The following RGS9 variants were observed in gnomAD, a reference collection of about 807,000 sequenced individuals.
RGS9 encodes regulator of G-protein signalling 9.
RGS9 carries 78 observed loss-of-function variants against 102.0 expected under a neutral mutation model. The observed-to-expected ratio is 0.76, with a 90% CI of 0.64 to 0.92. RGS9 has a LOEUF of 0.92. RGS9 is among the 40% of genes least tolerant of loss of function. The pLI is 0.00. For missense variants in RGS9, 833 were observed against 866.1 expected, an observed-to-expected ratio of 0.96 and a Z score of 0.48; for synonymous variants, 353 against 318.6, an observed-to-expected ratio of 1.11 and a Z score of -1.15.
intron 14 of RGS9, among the ~76,000 whole-genome samples, chr17:65,203,030 G>C (rs1315545727): frequency 6.6e-6 from 1 of 152,230 alleles, no homozygotes; most frequent in Non-Finnish European, 1.5e-5. Flanking sequence ...ACCAGACTGT[G>C]GTGCTGAACT....
intron 6 of RGS9, among the ~76,000 whole-genome samples, chr17:65,162,185 A>G (rs1209389806): frequency 6.6e-6 from 1 of 151,994 alleles, no homozygotes; most frequent in Non-Finnish European, 1.5e-5. Context: ...CGAGGCCAGG[A>G]GTTCAAGACC....
At position 65,201,972 on chromosome 17, in the gene RGS9, C is replaced by T. The variant is rs201444790; in HGVS notation, c.977-21C>T. On this transcript the variant is annotated intron_variant, in intron 13 of 18. Coordinates refer to ENST00000262406, the MANE Select transcript of RGS9 (RefSeq NM_003835.4). The stretch of plus-strand genomic sequence containing the variant: ...TTATTTCCTGCCCGGCCCTCATCCA[C>T]GTGGACTTCTCACCATGCAGGAGAG... 1.2e-4 allele frequency: 182 copies of T among 1,559,910 alleles called. 2 individuals carry two copies. The highest frequency in any genetic ancestry group is 8.0e-4 in the Admixed American group (48 of 59,918).
intron 8 of RGS9, 25 bp from the exon 9 acceptor site, chr17:65,177,707 C>A (rs765035776): frequency 1.2e-6 from 2 of 1,608,922 alleles, no homozygotes; most frequent in Non-Finnish European, 1.7e-6. Context: ...CTGTAATGAC[C>A]TTATGTTGTT....
At chr17:65,208,953 T>TA (rs1913179562) in intron 16 of RGS9, among the ~76,000 whole-genome samples, 1 of 152,226 alleles carries the variant, frequency 6.6e-6, no homozygotes, top group African/African-American at 2.4e-5. Context: ...CTTCTGGGTT[T>TA]ACCAAGTAAG....
chr17:65,181,864 A>G (rs1911897308), intron 9 of RGS9, among the ~76,000 whole-genome samples: 1 of 152,202 alleles, frequency 6.6e-6, no homozygotes, highest in South Asian at 2.1e-4. Flanking sequence ...AGTGTCTAGA[A>G]TGCTAATCAA....
intron 17 of RGS9, among the ~76,000 whole-genome samples, chr17:65,220,072 C>A (rs1165631567): frequency 1.3e-5 from 2 of 152,034 alleles, no homozygotes; most frequent in East Asian, 3.8e-4. Flanking sequence ...ATCATCACCA[C>A]CATCCTCACC....
intron 17 of RGS9, among the ~76,000 whole-genome samples, chr17:65,211,558 T>C (rs1457083159): frequency 6.6e-6 from 1 of 152,130 alleles, no homozygotes; most frequent in East Asian, 1.9e-4. Context: ...CTTCTGTAGG[T>C]GTAGACGAGG....
At chr17:65,167,442 T>A (rs377061674) in intron 7 of RGS9, among the ~76,000 whole-genome samples, 2 of 152,258 alleles carry the variant, frequency 1.3e-5, no homozygotes, top group East Asian at 1.9e-4. Flanking sequence ...CCTCAAGTGA[T>A]CTGCCCACCT....
chr17:65,144,569 C>T (rs299824), intron 1 of RGS9, among the ~76,000 whole-genome samples: 22,199 of 152,188 alleles, frequency 0.15, 1,918 homozygotes, highest in Middle Eastern at 0.31. Flanking sequence ...GGGAACGAAG[C>T]GGGGCTGATG....
intron 8 of RGS9, among the ~76,000 whole-genome samples, chr17:65,174,874 G>A (rs1341432757): frequency 2.0e-5 from 3 of 152,228 alleles, no homozygotes; most frequent in South Asian, 2.1e-4. Context: ...GGTGGCAGGC[G>A]AGAGAGAGCG....
At chr17:65,142,972 G>A (rs946523647) in intron 1 of RGS9, among the ~76,000 whole-genome samples, 2 of 151,794 alleles carry the variant, frequency 1.3e-5, no homozygotes, top group African/African-American at 4.8e-5. Flanking sequence ...GCCCAGGCTG[G>A]ACTCAAGCTC....
intron 17 of RGS9, among the ~76,000 whole-genome samples, chr17:65,217,975 G>T (rs564768499): frequency 6.6e-6 from 1 of 152,308 alleles, no homozygotes; most frequent in African/African-American, 2.4e-5. Context: ...ACAGAAGCAA[G>T]GCCATGTGAC....
At chr17:65,188,401 G>C (rs1050910931) in intron 9 of RGS9, among the ~76,000 whole-genome samples, 3 of 152,182 alleles carry the variant, frequency 2.0e-5, no homozygotes, top group Non-Finnish European at 4.4e-5. Flanking sequence ...TCAACTCGGG[G>C]ACTCAGCTTG....
intron 3 of RGS9, among the ~76,000 whole-genome samples, chr17:65,158,992 G>T (rs1024968915): frequency 1.3e-5 from 2 of 152,172 alleles, no homozygotes; most frequent in Non-Finnish European, 2.9e-5. Flanking sequence ...AATCACAAAA[G>T]AAGTGATATT....
chr17:65,223,752 C>CTTTTTTTTTTTT (rs528795738), intron 17 of RGS9, among the ~76,000 whole-genome samples: 4 of 137,592 alleles, frequency 2.9e-5, no homozygotes, highest in African/African-American at 5.4e-5. Context: ...TCATGCCAGG[C>CTTTTTTTTTTTT]TTTTTTTTTT....
At chr17:65,191,794 G>A (rs1912378566) in intron 11 of RGS9, among the ~76,000 whole-genome samples, 3 of 152,098 alleles carry the variant, frequency 2.0e-5, no homozygotes, top group African/African-American at 4.8e-5. Context: ...AGAGAGTCTC[G>A]GGAGAGAATA....
rs1911496446 is a variant in RGS9, at chr17:65,173,440, C to T, written c.583-4292C>T. Among the ~76,000 whole-genome samples, 1 of 151,928 alleles carries T rather than the reference C, an allele frequency of 6.6e-6. No homozygotes were observed. The highest frequency in any genetic ancestry group is 6.6e-5 in the Admixed American group (1 of 15,258). ...TCTGTATGTGGGTTCCTGGGAACAT[C>T]GCCTCCTCACGAGCAGTTGTCACGA... On this transcript the variant is annotated intron_variant, in intron 8 of 18. Coordinates refer to ENST00000262406, the MANE Select transcript of RGS9 (RefSeq NM_003835.4). The surrounding 1 kb of genome is among the most constrained non-coding windows in gnomAD (Gnocchi z 4.8).
chr17:65,210,533 C>T lies in RGS9; in HGVS notation c.1335C>T (p.Ser445=). ...FMRRHLRSSP[S]PVILRQLEEE... is the part of the protein sequence containing the mutation. ...GGCGTCACCTGCGCTCCAGCCCAAG[C>T]CCTGTCATCCTGAGACAGCTGGAAG... Residue 445 remains serine, a synonymous_variant, in exon 17 of 19, where the codon AGC becomes AGT. Coordinates refer to ENST00000262406, the MANE Select transcript of RGS9 (RefSeq NM_003835.4). 1 of 1,614,030 alleles carries T rather than the reference C, an allele frequency of 6.2e-7. No homozygotes were observed. The highest frequency in any genetic ancestry group is 8.5e-7 in the Non-Finnish European group (1 of 1,180,032).
At chr17:65,204,011 A>G (rs1427345529) in intron 14 of RGS9, 152 bp from the exon 15 acceptor site, 1 of 799,418 alleles carries the variant, frequency 1.3e-6, no homozygotes, top group East Asian at 2.7e-5. Flanking sequence ...CAACCTCTTC[A>G]AAAGTTCATG....
Sources: allele counts gnomAD v4.1 joint callset (sites outside exome capture counted in the v4.1 genomes callset), GRCh38; gene constraint gnomAD v4.1.1; non-coding constraint Gnocchi (gnomAD v3.1); transcripts MANE v1.5; gene names NCBI Gene and HGNC (gene_info 2026-07-23, HGNC 2026-07-21).